The following EPB41L4A variants were observed in gnomAD, a reference collection of about 807,000 sequenced individuals.
EPB41L4A encodes the protein erythrocyte membrane protein band 4.1 like 4A.
Under a neutral mutation model 108.6 loss-of-function variants are expected in EPB41L4A, and 100 were observed. The ratio of observed to expected loss-of-function variants is 0.92; its 90% CI spans 0.78 to 1.09. The LOEUF is 1.09. Ranked by LOEUF, EPB41L4A falls within the 50% of genes least tolerant of loss-of-function variation. The probability of loss-of-function intolerance (pLI) is 0.00; values close to 1 mark genes in which losing one functional copy is unlikely to be tolerated. For synonymous variants in EPB41L4A, 319 were observed against 289.0 expected, an observed-to-expected ratio of 1.10 and a Z score of -1.05; for missense variants, 1,030 against 842.7, an observed-to-expected ratio of 1.22 and a Z score of -2.75.
chr5:112,219,763 T>C (rs1243269753), intron 12 of EPB41L4A, among the ~76,000 whole-genome samples: 3 of 152,228 alleles, frequency 2.0e-5, no homozygotes, highest in African/African-American at 7.2e-5. Context: ...TAGAGCAATC[T>C]TGGCTCACTG....
At chr5:112,161,408 C>A, downstream of EPB41L4A, 1 of 440,850 alleles carries the variant, frequency 2.3e-6, no homozygotes, top group Non-Finnish European at 4.5e-6. Context: ...AATGTATTGT[C>A]CGTTTTTAGG....
intron 20 of EPB41L4A, among the ~76,000 whole-genome samples, chr5:112,169,325 CATATAT>C (rs1047505935): frequency 1.3e-5 from 2 of 151,984 alleles, no homozygotes; most frequent in Admixed American, 1.3e-4. Context: ...TGTGTGTATA[CATATAT>C]ATATGTATGT....
intron 2 of EPB41L4A, among the ~76,000 whole-genome samples, chr5:112,281,665 C>T (rs1752976658): frequency 2.0e-5 from 3 of 152,250 alleles, no homozygotes; most frequent in African/African-American, 4.8e-5. Context: ...AGCACTCATG[C>T]GCTGGCGCAG....
intron 1 of EPB41L4A, among the ~76,000 whole-genome samples, chr5:112,366,512 C>T (rs1281229108): frequency 6.6e-6 from 1 of 151,988 alleles, no homozygotes; most frequent in Non-Finnish European, 1.5e-5. Context: ...TGGGAGGTAT[C>T]ATCAGAATCC....
chr5:112,233,317 A>T (rs529244466), intron 12 of EPB41L4A, among the ~76,000 whole-genome samples: 2 of 152,352 alleles, frequency 1.3e-5, no homozygotes, highest in South Asian at 2.1e-4. Context: ...AGTTTCCTCT[A>T]ACTGAGGGGA....
intron 1 of EPB41L4A, among the ~76,000 whole-genome samples, chr5:112,313,964 C>T (rs770608660): frequency 8.1e-5 from 12 of 148,564 alleles, no homozygotes; most frequent in Middle Eastern, 3.5e-3. Flanking sequence ...CCCGGGTTCA[C>T]GCCATTCTCC....
intron 12 of EPB41L4A, among the ~76,000 whole-genome samples, chr5:112,211,006 T>C (rs73229341): frequency 0.17 from 26,567 of 152,026 alleles, 2,371 homozygotes; most frequent in African/African-American, 0.19. Context: ...ATTGAGTACT[T>C]ACTATGTGTC....
In EPB41L4A at chr5:112,165,021, A is replaced by G; in HGVS notation, c.2030T>C (p.Ile677Thr). ...CTCTGTCTTGAGGCGGGAAGCTTGT[A>G]TAGTTTTTATTGTTTTTGCTGTGTG... ...GKHTAKTIKTIQASRLKTET is the reference protein window; with the variant it reads ...GKHTAKTIKTTQASRLKTET The change falls in exon 23 of 23, where the codon ATA becomes ACA. Residue 677 changes from isoleucine to threonine, a missense_variant. Physicochemically the swap from Ile to Thr is moderately conservative, Grantham distance 89. Transcript: ENST00000261486. 6.2e-7 allele frequency: 1 copy of G among 1,613,854 alleles called. No homozygotes were observed. The highest frequency in any genetic ancestry group is 1.1e-5 in the South Asian group (1 of 91,022).
At chr5:112,173,839 T>C (rs1760729146) in intron 18 of EPB41L4A, among the ~76,000 whole-genome samples, 1 of 152,204 alleles carries the variant, frequency 6.6e-6, no homozygotes, top group Admixed American at 6.5e-5. Context: ...AGACGGGGTT[T>C]CACCATGTTG....
chr5:112,248,485 G>A (rs1561509393), intron 9 of EPB41L4A, among the ~76,000 whole-genome samples: 1 of 152,110 alleles, frequency 6.6e-6, no homozygotes, highest in South Asian at 2.1e-4. Context: ...GCTATTCTCT[G>A]AATCTATTTC....
intron 1 of EPB41L4A, among the ~76,000 whole-genome samples, chr5:112,364,868 C>T (rs1344484172): frequency 1.3e-5 from 2 of 152,086 alleles, no homozygotes; most frequent in Non-Finnish European, 2.9e-5. Context: ...AAATATGCAG[C>T]ATAAATATTA....
chr5:112,237,075 C>T (rs1749391370), intron 11 of EPB41L4A, among the ~76,000 whole-genome samples: 2 of 152,156 alleles, frequency 1.3e-5, no homozygotes, highest in Admixed American at 6.5e-5. Flanking sequence ...GTAAATTCTA[C>T]ACAACTCATT....
chr5:112,202,999 TCAAGAC>T (rs1482408984), intron 15 of EPB41L4A, among the ~76,000 whole-genome samples: 1 of 151,742 alleles, frequency 6.6e-6, no homozygotes, highest in African/African-American at 2.4e-5. Flanking sequence ...GGCTAGGAAT[TCAAGAC>T]CAGCCTGGGC....
chr5:112,299,691 G>A (rs1398989975), intron 2 of EPB41L4A, among the ~76,000 whole-genome samples: 2 of 152,164 alleles, frequency 1.3e-5, no homozygotes, highest in African/African-American at 4.8e-5. Context: ...CTGGAGTATA[G>A]CTTAAATCCA....
intron 4 of EPB41L4A, among the ~76,000 whole-genome samples, chr5:112,268,367 G>A (rs1400086468): frequency 6.6e-6 from 1 of 151,890 alleles, no homozygotes; most frequent in Non-Finnish European, 1.5e-5. Context: ...GACAGAGCAA[G>A]ACCCTGTCTC....
chr5:112,373,156 A>G (rs111415597), intron 1 of EPB41L4A, among the ~76,000 whole-genome samples: 2,464 of 152,292 alleles, frequency 0.016, 62 homozygotes, highest in African/African-American at 0.054. Context: ...AAGGAAGGCA[A>G]GTGAGGATGC....
At chr5:112,362,721 GT>G (rs1758850524) in intron 1 of EPB41L4A, among the ~76,000 whole-genome samples, 1 of 152,164 alleles carries the variant, frequency 6.6e-6, no homozygotes, top group African/African-American at 2.4e-5. Context: ...CCAAACTGAA[GT>G]TCTCTAAAGT....
intron 1 of EPB41L4A, among the ~76,000 whole-genome samples, chr5:112,318,771 G>A (rs1755582373): frequency 6.6e-6 from 1 of 152,122 alleles, no homozygotes; most frequent in Non-Finnish European, 1.5e-5. Flanking sequence ...CCAGAAATAT[G>A]GACTCTCACA....
chr5:112,268,793 T>C (rs984703284), intron 4 of EPB41L4A, among the ~76,000 whole-genome samples: 4 of 120,190 alleles, frequency 3.3e-5, no homozygotes, highest in African/African-American at 1.3e-4. Flanking sequence ...CAGTGAACCA[T>C]AACTGCACCA....
Sources: gnomAD v4.1 joint callset for allele counts (sites outside exome capture counted in the v4.1 genomes callset) on GRCh38, gnomAD v4.1.1 for gene constraint, MANE v1.5 for transcripts, NCBI Gene and HGNC (gene_info 2026-07-23, HGNC 2026-07-21) for gene names.